Variants in CPSF3 observed in about 807,000 individuals in gnomAD.
The protein encoded by CPSF3 is cleavage and polyadenylation specificity factor subunit 3.
Under a neutral mutation model 84.1 loss-of-function variants are expected in CPSF3, and 57 were observed. That is an observed-to-expected ratio of 0.68 (90% CI 0.55 to 0.85). The LOEUF (loss-of-function observed/expected upper bound fraction) is 0.85, where lower values mean the gene tolerates loss of function less well. Among genes scored for constraint, CPSF3 ranks in the 40% least tolerant of loss-of-function variants. The pLI is 0.00. For missense variants in CPSF3, 522 were observed against 838.8 expected, an observed-to-expected ratio of 0.62 and a Z score of 4.66; for synonymous variants, 275 against 278.1, an observed-to-expected ratio of 0.99 and a Z score of 0.11.
At chr2:9,444,140 T>TTTTATATA (rs1204625520) in intron 10 of CPSF3, among the ~76,000 whole-genome samples, 3 of 129,900 alleles carry the variant, frequency 2.3e-5, no homozygotes, top group Non-Finnish European at 1.6e-5. Context: ...AATATATATA[T>TTTTATATA]TATATATATA....
At chr2:9,444,659 GGTTTGTTT>G (rs36008382) in intron 10 of CPSF3, among the ~76,000 whole-genome samples, 2 of 150,346 alleles carry the variant, frequency 1.3e-5, no homozygotes, top group African/African-American at 2.5e-5. Context: ...GGTGTTTTTT[GGTTTGTTT>G]GTTTGTTTGT....
chr2:9,447,143 TAAAG>T (rs566339403), intron 10 of CPSF3, among the ~76,000 whole-genome samples: 1 of 151,984 alleles, frequency 6.6e-6, no homozygotes, highest in Non-Finnish European at 1.5e-5. Context: ...TCTCTTTAAA[TAAAG>T]AAATATATAA....
intron 15 of CPSF3, among the ~76,000 whole-genome samples, chr2:9,466,341 C>G (rs1261151296): frequency 1.4e-5 from 1 of 69,692 alleles, no homozygotes; most frequent in African/African-American, 3.8e-5. Context: ...CACGCACACA[C>G]GCGCGCGCGC....
At position 9,467,692 on chromosome 2, in the gene CPSF3, T is replaced by G; in HGVS notation, c.1787-15T>G. ...ATTTAGAAACTGAACTCTCTGTCGC[T>G]TTTTTTTTTCCCAGGTGCAGTACAG... is the stretch of plus-strand genomic sequence containing the variant. On this transcript the variant is annotated splice_polypyrimidine_tract_variant and intron_variant, in intron 15 of 17. Coordinates refer to ENST00000238112, the MANE Select transcript of CPSF3 (RefSeq NM_016207.4). 2 of 1,264,788 alleles carry G rather than the reference T, an allele frequency of 1.6e-6. No homozygotes were observed. The highest frequency in any genetic ancestry group is 2.9e-5 in the East Asian group (1 of 35,046). 78.3% of individuals were successfully genotyped at this position (1,264,788 alleles called of 1,614,324 possible).
At chr2:9,464,262 G>A (rs1299230154) in intron 15 of CPSF3, among the ~76,000 whole-genome samples, 2 of 152,082 alleles carry the variant, frequency 1.3e-5, no homozygotes, top group Non-Finnish European at 2.9e-5. Context: ...CTAAGGACAG[G>A]TATACCTGTC....
chr2:9,448,144 A>G, intron 10 of CPSF3, 54 bp from the exon 11 acceptor site: 1 of 1,005,122 alleles, frequency 9.9e-7, no homozygotes, highest in Non-Finnish European at 1.5e-6. Context: ...CTTAAGGACC[A>G]TGATTAAGCT....
At chr2:9,462,263 A>T (rs1319737658) in intron 15 of CPSF3, among the ~76,000 whole-genome samples, 3 of 152,322 alleles carry the variant, frequency 2.0e-5, no homozygotes, top group African/African-American at 7.2e-5. Flanking sequence ...ATCAAATGCC[A>T]CCAGGGTTGC....
At chr2:9,436,774 A>AATAATAATAATAATAAT (rs1680798172) in intron 7 of CPSF3, among the ~76,000 whole-genome samples, 4 of 143,002 alleles carry the variant, frequency 2.8e-5, no homozygotes, top group Admixed American at 2.1e-4. Flanking sequence ...CCATCTCAAA[A>AATAATAATAATAATAAT]AATAATAATA....
intron 10 of CPSF3, 59 bp downstream of exon 10, chr2:9,443,720 C>A: frequency 6.3e-7 from 1 of 1,579,826 alleles, no homozygotes; most frequent in Non-Finnish European, 8.7e-7. Flanking sequence ...ACCCAGGAAA[C>A]TGTGCAGCAG....
intron 15 of CPSF3, among the ~76,000 whole-genome samples, chr2:9,459,970 A>C (rs1381112097): frequency 6.6e-6 from 1 of 151,078 alleles, no homozygotes; most frequent in East Asian, 1.9e-4. Flanking sequence ...CCTTTCTTTC[A>C]TTTTTCTTAT....
chr2:9,456,091 A>G (rs1311767674), intron 13 of CPSF3, among the ~76,000 whole-genome samples: 1 of 152,200 alleles, frequency 6.6e-6, no homozygotes, highest in Non-Finnish European at 1.5e-5. Context: ...TTCCTTGACC[A>G]TACCTAAAAT....
At chr2:9,459,491 C>T (rs373668643) in intron 14 of CPSF3, 40 bp from the exon 15 acceptor site, 2 of 1,370,706 alleles carry the variant, frequency 1.5e-6, no homozygotes, top group Non-Finnish European at 2.1e-6. Flanking sequence ...GTTGGTCACC[C>T]TAGGTAGGTC....
At chr2:9,456,538 A>G (rs978768866) in intron 13 of CPSF3, among the ~76,000 whole-genome samples, 4 of 152,230 alleles carry the variant, frequency 2.6e-5, no homozygotes, top group African/African-American at 7.2e-5. Context: ...AGTCTCTTCA[A>G]CAATAGAATT....
At chr2:9,442,276 G>A (rs1412797095) in intron 9 of CPSF3, among the ~76,000 whole-genome samples, 4 of 152,048 alleles carry the variant, frequency 2.6e-5, no homozygotes, top group Non-Finnish European at 4.4e-5. Context: ...AATACTCTCC[G>A]TCCTCTCATG....
At chr2:9,434,858 G>C (rs537936912) in intron 6 of CPSF3, among the ~76,000 whole-genome samples, 2 of 152,312 alleles carry the variant, frequency 1.3e-5, no homozygotes, top group East Asian at 1.9e-4. Flanking sequence ...TGTGGTTCAA[G>C]GAGGAAGAGT....
At chr2:9,445,321 G>A (rs532386616) in intron 10 of CPSF3, among the ~76,000 whole-genome samples, 10 of 152,298 alleles carry the variant, frequency 6.6e-5, no homozygotes, top group South Asian at 4.1e-4. Flanking sequence ...GTCATGGTCC[G>A]TTATATGTAG....
intron 1 of CPSF3, 60 bp downstream of exon 1, chr2:9,423,883 C>G: frequency 1.3e-6 from 2 of 1,595,978 alleles, no homozygotes; most frequent in Non-Finnish European, 1.7e-6. Context: ...GAGGGGTAAC[C>G]GGAGACTGGC....
chr2:9,436,833 A>G (rs778473850), intron 7 of CPSF3, among the ~76,000 whole-genome samples: 20 of 147,072 alleles, frequency 1.4e-4, no homozygotes, highest in Non-Finnish European at 2.7e-4. Flanking sequence ...GAAAACAGCA[A>G]CTCTCATGCA....
chr2:9,443,460 C>A, intron 9 of CPSF3, 55 bp from the exon 10 acceptor site: 1 of 1,525,956 alleles, frequency 6.6e-7, no homozygotes, highest in Non-Finnish European at 8.9e-7. Context: ...TGAAAATGTA[C>A]CTTTACGATT....
Sources: gnomAD v4.1 joint callset for allele counts (sites outside exome capture counted in the v4.1 genomes callset) on GRCh38, gnomAD v4.1.1 for gene constraint, MANE v1.5 for transcripts, NCBI Gene and HGNC (gene_info 2026-07-23, HGNC 2026-07-21) for gene names.